The following DCC variants were observed in gnomAD, a reference collection of about 807,000 sequenced individuals.
DCC encodes DCC netrin 1 receptor, also known as netrin receptor DCC.
DCC carries 58 observed loss-of-function variants against 172.5 expected under a neutral mutation model. The observed-to-expected ratio is 0.34, with a 90% CI of 0.27 to 0.42. The LOEUF (loss-of-function observed/expected upper bound fraction) is 0.42, where lower values mean the gene tolerates loss of function less well. DCC is among the 10% of genes least tolerant of loss of function. DCC has a pLI of 1.00. For missense variants in DCC, 1,740 were observed against 1,791.0 expected, an observed-to-expected ratio of 0.97 and a Z score of 0.51; for synonymous variants, 709 against 644.5, an observed-to-expected ratio of 1.10 and a Z score of -1.52.
chr18:52,818,418 TAAAAAAA>T (rs55812629), intron 2 of DCC, among the ~76,000 whole-genome samples: 6 of 97,068 alleles, frequency 6.2e-5, no homozygotes, highest in Non-Finnish European at 6.6e-5. Flanking sequence ...TCTCAAAAAG[TAAAAAAA>T]AAAAAAAAAA....
At chr18:52,440,999 G>T (rs1412061022) in intron 1 of DCC, among the ~76,000 whole-genome samples, 1 of 152,176 alleles carries the variant, frequency 6.6e-6, no homozygotes, top group Non-Finnish European at 1.5e-5. Context: ...AGCTATCTGG[G>T]GAGTCACTTG....
In DCC at chr18:53,351,430, ATATATATACAGTG is replaced by A. The variant is rs1435862036; in HGVS notation, c.2359+11532_2359+11544del. The stretch of plus-strand genomic sequence containing the variant: ...ATATATATATATACACACTGTGTAT[ATATATATACAGTG>A]TATATATATATATACACAGTGTGTA... On this transcript the variant is annotated intron_variant, in intron 15 of 28. Coordinates refer to ENST00000442544, the MANE Select transcript of DCC (RefSeq NM_005215.4). Among the ~76,000 whole-genome samples, 64 of 79,274 alleles carry A rather than the reference ATATATATACAGTG, an allele frequency of 8.1e-4. 3 individuals carry two copies. Among genetic ancestry groups the A allele is most frequent in the African/African-American group, 3.2e-3 (54 of 16,742 alleles). 52.0% of individuals were successfully genotyped at this position (79,274 alleles called of 152,430 possible). A position where few individuals can be genotyped will look rare whatever the true frequency, so the allele number is the denominator to read the frequency against.
chr18:53,073,393 C>T (rs1411491113), intron 7 of DCC, among the ~76,000 whole-genome samples: 4 of 151,948 alleles, frequency 2.6e-5, no homozygotes, highest in Non-Finnish European at 5.9e-5. Context: ...GGCGTGGTGG[C>T]GGGTGCCTAT....
rs142828432 is a variant in DCC, at chr18:53,119,322, C to T, written c.1262-38034C>T. On this transcript the variant is annotated intron_variant, in intron 7 of 28. Transcript: ENST00000442544. ...CTTTTCTGGTATTTATCTCACCTCT[C>T]ACCACCCTACTGCCCTGAAAATATC... Among the ~76,000 whole-genome samples the T allele has an allele frequency of 5.9e-5, 9 of 151,940 alleles. No individual in the cohort carries two copies. In the East Asian group the frequency reaches 1.2e-3, roughly 20 times the overall value.
chr18:52,602,954 G>T (rs923973526), intron 1 of DCC, among the ~76,000 whole-genome samples: 1 of 151,952 alleles, frequency 6.6e-6, no homozygotes, highest in African/African-American at 2.4e-5. Flanking sequence ...AGGATAGACG[G>T]GCTTTTCCTA....
At chr18:53,292,113 A>ACC (rs34382170) in intron 12 of DCC, among the ~76,000 whole-genome samples, 387 of 136,012 alleles carry the variant, frequency 2.8e-3, no homozygotes, top group Admixed American at 6.8e-3. Context: ...TTTGAGCTCC[A>ACC]CCCCCCCCCC....
At chr18:52,926,015 A>G (rs2040196661) in intron 5 of DCC, among the ~76,000 whole-genome samples, 1 of 151,900 alleles carries the variant, frequency 6.6e-6, no homozygotes. Context: ...CACTTACTCC[A>G]GATTTATTTT....
At chr18:52,349,513 A>G (rs986900935) in intron 1 of DCC, among the ~76,000 whole-genome samples, 1 of 152,016 alleles carries the variant, frequency 6.6e-6, no homozygotes, top group Non-Finnish European at 1.5e-5. Context: ...ATTTCTGGTT[A>G]TTTTCTCTCT....
chr18:53,438,299 A>G (rs956033600), intron 22 of DCC, among the ~76,000 whole-genome samples: 1 of 152,204 alleles, frequency 6.6e-6, no homozygotes, highest in Non-Finnish European at 1.5e-5. Flanking sequence ...TTCAACCACT[A>G]CTGAGCAGTG....
At chr18:53,369,788 A>T (rs531938672) in intron 15 of DCC, among the ~76,000 whole-genome samples, 1 of 151,984 alleles carries the variant, frequency 6.6e-6, no homozygotes, top group South Asian at 2.1e-4. Flanking sequence ...TTTGTACGTC[A>T]AATCATTTTT....
intron 14 of DCC, among the ~76,000 whole-genome samples, chr18:53,336,201 A>G (rs533395847): frequency 6.6e-6 from 1 of 152,276 alleles, no homozygotes; most frequent in East Asian, 1.9e-4. Context: ...AAAATGTTTC[A>G]TGTACTTCTG....
intron 7 of DCC, among the ~76,000 whole-genome samples, chr18:53,145,733 G>T (rs1324033526): frequency 6.6e-6 from 1 of 152,050 alleles, no homozygotes; most frequent in Non-Finnish European, 1.5e-5. Flanking sequence ...TGGATGAATT[G>T]TTTTCAACTA....
chr18:52,404,716 G>C (rs1217391442), intron 1 of DCC, among the ~76,000 whole-genome samples: 1 of 150,936 alleles, frequency 6.6e-6, no homozygotes, highest in Non-Finnish European at 1.5e-5. Flanking sequence ...CATTGTGCAG[G>C]TTAGTTACAT....
chr18:52,715,496 G>C (rs972866034), intron 1 of DCC, among the ~76,000 whole-genome samples: 2 of 151,834 alleles, frequency 1.3e-5, no homozygotes, highest in African/African-American at 4.8e-5. Context: ...GTAGAGACAG[G>C]GTTTTACCAT....
At chr18:53,197,948 T>G (rs2055473452) in intron 9 of DCC, among the ~76,000 whole-genome samples, 1 of 152,126 alleles carries the variant, frequency 6.6e-6, no homozygotes, top group Non-Finnish European at 1.5e-5. Flanking sequence ...CTAAAATATT[T>G]GGTGAATTAA....
intron 15 of DCC, among the ~76,000 whole-genome samples, chr18:53,384,888 C>G (rs373320764): frequency 6.6e-6 from 1 of 151,150 alleles, no homozygotes; most frequent in Non-Finnish European, 1.5e-5. Flanking sequence ...CGCTGTGTCG[C>G]GCAGGATGGA....
chr18:53,287,891 G>A (rs2056954625), intron 12 of DCC, among the ~76,000 whole-genome samples: 2 of 152,134 alleles, frequency 1.3e-5, no homozygotes, highest in Admixed American at 1.3e-4. Context: ...CATATTTTGA[G>A]GTCACTGATT....
chr18:53,335,990 G>A (rs989009092), intron 14 of DCC, among the ~76,000 whole-genome samples: 2 of 152,036 alleles, frequency 1.3e-5, no homozygotes, highest in East Asian at 1.9e-4. Flanking sequence ...ACCTCCCAAC[G>A]GGTACCTCCC....
At chr18:52,920,438 A>G (rs1352192309) in intron 3 of DCC, among the ~76,000 whole-genome samples, 1 of 152,116 alleles carries the variant, frequency 6.6e-6, no homozygotes, top group African/African-American at 2.4e-5. Flanking sequence ...AGTAAACATA[A>G]GAATATGTTT....
Sources: gnomAD v4.1 joint callset for allele counts (sites outside exome capture counted in the v4.1 genomes callset) on GRCh38, gnomAD v4.1.1 for gene constraint, MANE v1.5 for transcripts, NCBI Gene and HGNC (gene_info 2026-07-23, HGNC 2026-07-21) for gene names.